The following SLC44A5 variants were observed in gnomAD, a reference collection of about 807,000 sequenced individuals.
SLC44A5 encodes choline transporter-like protein 5.
Under a neutral mutation model 101.8 loss-of-function variants are expected in SLC44A5, and 57 were observed. The observed-to-expected ratio is 0.56, with a 90% CI of 0.45 to 0.70. The LOEUF (loss-of-function observed/expected upper bound fraction) is 0.70. SLC44A5 is among the 30% of genes least tolerant of loss of function. The pLI is 0.00. For synonymous variants in SLC44A5, 281 were observed against 290.9 expected, an observed-to-expected ratio of 0.97 and a Z score of 0.35; for missense variants, 737 against 853.1, an observed-to-expected ratio of 0.86 and a Z score of 1.70.
At chr1:75,518,080 A>C (rs1215618044) in intron 2 of SLC44A5, among the ~76,000 whole-genome samples, 1 of 152,250 alleles carries the variant, frequency 6.6e-6, no homozygotes, top group African/African-American at 2.4e-5. Flanking sequence ...ATTCGAAGGA[A>C]TTAATTGGCA....
the SLC44A5 span, chr1:75,677,953 G>A: frequency 9.4e-6 from 2 of 211,672 alleles, no homozygotes; most frequent in African/African-American, 4.8e-5. Context: ...CACTTGGGAA[G>A]TGCAAGGGGT....
At chr1:75,707,968 A>G in the SLC44A5 span, among the ~76,000 whole-genome samples, 3 of 152,310 alleles carry the variant, frequency 2.0e-5, no homozygotes, top group Middle Eastern at 6.8e-3. Context: ...GGTAACTTGT[A>G]TGGTATTTGA....
chr1:75,401,747 T>C (rs1662491927), intron 2 of SLC44A5, among the ~76,000 whole-genome samples: 1 of 151,904 alleles, frequency 6.6e-6, no homozygotes, highest in South Asian at 2.1e-4. Flanking sequence ...GCACGGAGGT[T>C]TGAGATGGAC....
At chr1:75,239,774 GT>G (rs1383828938) in intron 9 of SLC44A5, among the ~76,000 whole-genome samples, 1 of 152,064 alleles carries the variant, frequency 6.6e-6, no homozygotes, top group Non-Finnish European at 1.5e-5. Flanking sequence ...CTCCAGATAT[GT>G]TTTAGTCTTC....
At chr1:75,652,770 G>A in the SLC44A5 span, among the ~76,000 whole-genome samples, 2 of 152,020 alleles carry the variant, frequency 1.3e-5, no homozygotes, top group African/African-American at 4.8e-5. Flanking sequence ...CTTCAGCCTG[G>A]GAGACACAGT....
chr1:75,668,574 G>A, the SLC44A5 span, among the ~76,000 whole-genome samples: 5 of 150,974 alleles, frequency 3.3e-5, no homozygotes, highest in African/African-American at 7.4e-5. Flanking sequence ...TGCCTGCCTT[G>A]GCCTCCCAAA....
At chr1:75,683,933 C>A in the SLC44A5 span, among the ~76,000 whole-genome samples, 21 of 151,924 alleles carry the variant, frequency 1.4e-4, no homozygotes, top group East Asian at 3.9e-3. Flanking sequence ...TTATAGAAGA[C>A]AAAATTGATG....
intron 2 of SLC44A5, among the ~76,000 whole-genome samples, chr1:75,406,756 T>C (rs1557752742): frequency 6.6e-6 from 1 of 152,172 alleles, no homozygotes; most frequent in African/African-American, 2.4e-5. Context: ...AATATCATAC[T>C]GAATGGGCAA....
rs180927406 is a variant in SLC44A5, at chr1:75,575,866, T to C, written c.-69-34350A>G. On this transcript the variant is annotated intron_variant, in intron 1 of 23. Transcript: ENST00000370859. Reference sequence around the variant, plus strand: ...GAAGCCTGAACAATGTCATTAACTATGGACTCCTAGGAAAGTAGAATGTTG... The same window carrying C: ...GAAGCCTGAACAATGTCATTAACTACGGACTCCTAGGAAAGTAGAATGTTG... Among the ~76,000 whole-genome samples, 400 of 152,282 alleles carry C rather than the reference T, an allele frequency of 2.6e-3. 5 individuals are homozygous for C. Among genetic ancestry groups the C allele is most frequent in the African/African-American group, 9.3e-3 (385 of 41,562 alleles).
At chr1:75,211,761 T>A (rs1199890682) in intron 22 of SLC44A5, among the ~76,000 whole-genome samples, 1 of 152,056 alleles carries the variant, frequency 6.6e-6, no homozygotes, top group Non-Finnish European at 1.5e-5. Context: ...AACTGCCTTT[T>A]TTTTCCCTTT....
the SLC44A5 span, among the ~76,000 whole-genome samples, chr1:75,718,135 T>G: frequency 6.6e-6 from 1 of 152,236 alleles, no homozygotes; most frequent in Non-Finnish European, 1.5e-5. Context: ...TACTTAAATG[T>G]TTCATGAAAA....
chr1:75,512,627 T>C (rs1225386832), intron 2 of SLC44A5, among the ~76,000 whole-genome samples: 1 of 152,210 alleles, frequency 6.6e-6, no homozygotes, highest in African/African-American at 2.4e-5. Context: ...AGAGACAACA[T>C]AATATGCACA....
intron 4 of SLC44A5, among the ~76,000 whole-genome samples, chr1:75,329,575 G>A (rs188123709): frequency 6.6e-6 from 1 of 151,874 alleles, no homozygotes; most frequent in East Asian, 1.9e-4. Flanking sequence ...AAGTTTATTG[G>A]GAGCATAGTC....
rs149474580 is a variant in SLC44A5 at position 75,312,824 on chromosome 1, A to G, written c.102-12139T>C. Among the ~76,000 whole-genome samples, 37 of 152,206 alleles carry G rather than the reference A, an allele frequency of 2.4e-4. No homozygotes were observed. In the East Asian group the frequency reaches 4.4e-3, roughly 18 times the overall value. On this transcript the variant is annotated intron_variant, in intron 4 of 23. Transcript: ENST00000370859. ...TCTGTCAGGGGAGTTCACTCGCAAC[A>G]TTTCATATGTTAAAGGACTTGACAG...
At chr1:75,313,800 G>A (rs1162225517) in intron 4 of SLC44A5, among the ~76,000 whole-genome samples, 2 of 152,022 alleles carry the variant, frequency 1.3e-5, no homozygotes, top group African/African-American at 2.4e-5. Flanking sequence ...ATGAAAATCC[G>A]AAGTTATTAA....
rs138446712 is a variant in SLC44A5 at position 75,610,865 on chromosome 1, C to T, written c.-70+175G>A. 3.1e-3 allele frequency among the ~76,000 whole-genome samples: 463 copies of T among 151,076 alleles called. 1 individual carries two copies. Among genetic ancestry groups the T allele is most frequent in the East Asian group, 0.016 (81 of 5,148 alleles). On this transcript the variant is annotated intron_variant, in intron 1 of 23. Transcript: ENST00000370859. Reference sequence around the variant, plus strand: ...ATCCCCCAGGATATCTATATATATACACACACACACACGGAGAGGAAGTGC... The same window carrying T: ...ATCCCCCAGGATATCTATATATATATACACACACACACGGAGAGGAAGTGC...
chr1:75,476,198 T>C (rs1667388159), intron 2 of SLC44A5, among the ~76,000 whole-genome samples: 1 of 151,768 alleles, frequency 6.6e-6, no homozygotes, highest in South Asian at 2.1e-4. Flanking sequence ...AAAAAGTATA[T>C]ATATATATAT....
At chr1:75,376,687 C>T (rs1007289735) in intron 3 of SLC44A5, among the ~76,000 whole-genome samples, 38 of 151,504 alleles carry the variant, frequency 2.5e-4, no homozygotes, top group Non-Finnish European at 5.0e-4. Context: ...TGTACATCAC[C>T]ATCATCAAAG....
At chr1:75,500,512 T>C (rs1346895703) in intron 2 of SLC44A5, among the ~76,000 whole-genome samples, 1 of 151,998 alleles carries the variant, frequency 6.6e-6, no homozygotes. Flanking sequence ...TGAAGGAACA[T>C]AGATGCTTGA....
Sources: gnomAD v4.1 joint callset for allele counts (sites outside exome capture counted in the v4.1 genomes callset) on GRCh38, gnomAD v4.1.1 for gene constraint, MANE v1.5 for transcripts, NCBI Gene and HGNC (gene_info 2026-07-23, HGNC 2026-07-21) for gene names.